Variants in RPGRIP1L observed in about 807,000 individuals in gnomAD.
RPGRIP1L encodes the protein RPGRIP1 like, also known as protein fantom.
Under a neutral mutation model 160.4 loss-of-function variants are expected in RPGRIP1L, and 131 were observed. The ratio of observed to expected loss-of-function variants is 0.82; its 90% confidence interval spans 0.71 to 0.94. The LOEUF (loss-of-function observed/expected upper bound fraction) is 0.94, where lower values mean the gene tolerates loss of function less well. RPGRIP1L is among the 40% of genes least tolerant of loss of function. RPGRIP1L has a pLI of 0.00. For synonymous variants in RPGRIP1L, 510 were observed against 515.8 expected, an observed-to-expected ratio of 0.99 and a Z score of 0.15; for missense variants, 1,522 against 1,535.8, an observed-to-expected ratio of 0.99 and a Z score of 0.15.
chr16:53,701,217 A>G (rs959888816), intron 1 of RPGRIP1L, among the ~76,000 whole-genome samples: 11 of 152,184 alleles, frequency 7.2e-5, no homozygotes, highest in Admixed American at 4.6e-4. Context: ...CACTGATCAC[A>G]TGTGCCTGGG....
chr16:53,675,496 T>G (rs997251207), intron 6 of RPGRIP1L, among the ~76,000 whole-genome samples: 3 of 152,150 alleles, frequency 2.0e-5, no homozygotes, highest in African/African-American at 7.2e-5. Context: ...TTCACACTTA[T>G]TTTAAGGAGG....
chr16:53,625,486 C>T (rs1965064528), intron 22 of RPGRIP1L, among the ~76,000 whole-genome samples: 1 of 140,076 alleles, frequency 7.1e-6, no homozygotes, highest in African/African-American at 2.7e-5. Context: ...GGGGGGGGCG[C>T]GCCTCCGCCC....
intron 22 of RPGRIP1L, among the ~76,000 whole-genome samples, chr16:53,623,598 C>T (rs1964881816): frequency 6.6e-6 from 1 of 152,106 alleles, no homozygotes; most frequent in South Asian, 2.1e-4. Flanking sequence ...AAATCTTTTC[C>T]ATCAGAATTC....
intron 16 of RPGRIP1L, among the ~76,000 whole-genome samples, chr16:53,648,613 T>TGCGCGC (rs113828309): frequency 1.2e-4 from 16 of 133,234 alleles, no homozygotes; most frequent in Non-Finnish European, 1.6e-4. Flanking sequence ...CGTACGCGCG[T>TGCGCGC]GCGCGCGCGC....
chr16:53,626,826 A>AAT lies in RPGRIP1L; in HGVS notation c.3295-4471_3295-4470insAT, dbSNP rs1555593926. Among the ~76,000 whole-genome samples, 9 of 149,596 alleles carry AAT rather than the reference A, an allele frequency of 6.0e-5. 1 individual carries two copies. The highest frequency in any genetic ancestry group is 8.9e-5 in the Non-Finnish European group (6 of 67,392). Reference sequence around the variant, plus strand: ...TCTCTCAAAAAAAAAAAAAAAAAAAATTTTTTTTGTGGTGAACAGAAGTCA... The same window carrying AAT: ...TCTCTCAAAAAAAAAAAAAAAAAAAAATTTTTTTTTGTGGTGAACAGAAGTCA... On this transcript the variant is annotated intron_variant, in intron 22 of 26. Coordinates refer to ENST00000647211, the MANE Select transcript of RPGRIP1L (RefSeq NM_015272.5).
intron 10 of RPGRIP1L, chr16:53,659,492 A>G (rs1967578540): frequency 6.6e-6 from 1 of 152,604 alleles, no homozygotes; most frequent in East Asian, 1.9e-4. Context: ...ATTAAAAAGT[A>G]AGGAAATTCT....
intron 8 of RPGRIP1L, 54 bp from the exon 9 acceptor site, chr16:53,671,637 G>T (rs1182281584): frequency 4.3e-6 from 4 of 922,002 alleles, no homozygotes; most frequent in Non-Finnish European, 6.6e-6. Flanking sequence ...AACCACTTGG[G>T]GGTAAAAAAA....
chr16:53,691,161 C>G (rs1259333434), intron 4 of RPGRIP1L, among the ~76,000 whole-genome samples: 1 of 150,804 alleles, frequency 6.6e-6, no homozygotes, highest in Non-Finnish European at 1.5e-5. Flanking sequence ...TTACATGCTA[C>G]TTTACATCCC....
At chr16:53,646,565 G>C (rs1447865785) in intron 16 of RPGRIP1L, among the ~76,000 whole-genome samples, 1 of 152,144 alleles carries the variant, frequency 6.6e-6, no homozygotes, top group African/African-American at 2.4e-5. Flanking sequence ...GGAGAGAGAT[G>C]AACAAAAGGA....
At chr16:53,642,262 T>C (rs541389395) in intron 17 of RPGRIP1L, among the ~76,000 whole-genome samples, 2 of 152,164 alleles carry the variant, frequency 1.3e-5, no homozygotes, top group African/African-American at 4.8e-5. Flanking sequence ...GATGCGATCA[T>C]AGCACACTGG....
chr16:53,685,442 A>G (rs372634849), intron 6 of RPGRIP1L, among the ~76,000 whole-genome samples: 32 of 152,348 alleles, frequency 2.1e-4, no homozygotes, highest in African/African-American at 6.7e-4. Context: ...TAGCAAAGAC[A>G]TGAAATTGAC....
At chr16:53,683,579 ATG>A (rs940846194) in intron 6 of RPGRIP1L, among the ~76,000 whole-genome samples, 1 of 151,992 alleles carries the variant, frequency 6.6e-6, no homozygotes, top group Non-Finnish European at 1.5e-5. Context: ...CGAAAAATAA[ATG>A]TGAGGGGATA....
At chr16:53,681,197 C>CA (rs1969579179) in intron 6 of RPGRIP1L, among the ~76,000 whole-genome samples, 1 of 152,146 alleles carries the variant, frequency 6.6e-6, no homozygotes. Context: ...GAAGGCAAGT[C>CA]AGAGTGTCTG....
intron 10 of RPGRIP1L, among the ~76,000 whole-genome samples, chr16:53,663,685 C>T (rs1384838248): frequency 6.6e-6 from 1 of 151,984 alleles, no homozygotes; most frequent in Non-Finnish European, 1.5e-5. Flanking sequence ...CCATTTTATT[C>T]CACTCACAGT....
chr16:53,689,877 C>T (rs965075356), intron 4 of RPGRIP1L, among the ~76,000 whole-genome samples: 1 of 152,086 alleles, frequency 6.6e-6, no homozygotes, highest in African/African-American at 2.4e-5. Context: ...TCTGAATCAC[C>T]AAGAGAGTAC....
chr16:53,643,909 A>G (rs960204655), intron 17 of RPGRIP1L, among the ~76,000 whole-genome samples: 2 of 152,198 alleles, frequency 1.3e-5, no homozygotes, highest in African/African-American at 4.8e-5. Flanking sequence ...GGATGACCAC[A>G]TGTTAGACTT....
At position 53,622,320 on chromosome 16, in the gene RPGRIP1L, C is replaced by A; in HGVS notation, c.3331G>T (p.Ala1111Ser). 1 of 645,056 alleles carries A rather than the reference C, an allele frequency of 1.6e-6. No individual in the cohort carries two copies. Among genetic ancestry groups the A allele is most frequent in the Non-Finnish European group, 2.8e-6 (1 of 352,414 alleles). The allele number at this position is 645,056 out of a possible 1,614,324, so 40.0% of individuals were successfully genotyped here. The change falls in exon 23 of 27, where the codon GCG (alanine) becomes TCG (serine). Residue 1111 changes from alanine (A) to serine (S), a missense_variant. Physicochemically the swap from Ala to Ser is moderately conservative, Grantham distance 99. Coordinates refer to ENST00000647211, the MANE Select transcript of RPGRIP1L (RefSeq NM_015272.5). ...CGGAAGTTGCAGTGAGCTGAGATCG[C>A]GCTACTGCACCCCAGCCCGGGAGAC... ...ALSPGLGCSS[A>S]ISAHCNFRLP... is the part of the protein sequence containing the mutation.
intron 3 of RPGRIP1L, among the ~76,000 whole-genome samples, chr16:53,692,869 A>C (rs1970482841): frequency 6.6e-6 from 1 of 152,250 alleles, no homozygotes; most frequent in Non-Finnish European, 1.5e-5. Context: ...ACACATATAA[A>C]GCCCAATGAA....
Position 53,619,096 on chromosome 16 carries a change from G to A in RPGRIP1L, c.3545C>T (p.Pro1182Leu), listed in dbSNP as rs1446510817. ...AAGTGACACGGGTGTCTCTTCAGCA[G>A]GAAGACTGTAGAATCGACACTCAAC... ...LFVECRFYSL[P>L]AEETPVSLPK... The change falls in exon 24 of 27, where the codon CCT becomes CTT. Residue 1182 changes from proline (P) to leucine (L), a missense_variant. Pro to Leu is a moderately conservative substitution (Grantham distance 98). Coordinates refer to ENST00000647211, the MANE Select transcript of RPGRIP1L (RefSeq NM_015272.5). 2.4e-5 allele frequency: 39 copies of A among 1,613,964 alleles called. No homozygotes were observed. The highest frequency in any genetic ancestry group is 4.4e-5 in the South Asian group (4 of 91,086).
Sources: gnomAD v4.1 joint callset for allele counts (sites outside exome capture counted in the v4.1 genomes callset) on GRCh38, gnomAD v4.1.1 for gene constraint, MANE v1.5 for transcripts, NCBI Gene and HGNC (gene_info 2026-07-23, HGNC 2026-07-21) for gene names.